TPR: variants seen among roughly 807,000 people sequenced by gnomAD.
TPR encodes translocated promoter region, nuclear basket protein.
Under a neutral mutation model 316.1 loss-of-function variants are expected in TPR, and 51 were observed. The observed-to-expected ratio is 0.16, with a 90% CI of 0.13 to 0.20. The LOEUF (loss-of-function observed/expected upper bound fraction) is 0.20. Ranked by LOEUF, TPR falls within the 10% of genes least tolerant of loss-of-function variation. The pLI is 1.00. For synonymous variants in TPR, 981 were observed against 914.7 expected (o/e 1.07, Z -1.31); for missense variants, 2,272 against 2,754.8 (o/e 0.82, Z 3.92).
chr1:186,363,034 T>TA (rs760792525), intron 5 of TPR, 33 bp from the exon 6 acceptor site: 2 of 1,567,694 alleles, frequency 1.3e-6, no homozygotes, highest in Admixed American at 2.0e-5. Flanking sequence ...CACGTACAGT[T>TA]AAAGATGATA....
rs372435712 is a variant in TPR at position 186,325,791 on chromosome 1, G to C, written c.6085C>G (p.His2029Asp). The C allele has an allele frequency of 1.2e-6, 2 of 1,613,452 alleles. No individual in the cohort carries two copies. The highest frequency in any genetic ancestry group is 1.7e-6 in the Non-Finnish European group (2 of 1,179,666). Residue 2029 changes from histidine (H) to aspartate (D), a missense_variant, in exon 42 of 51, where the codon CAC becomes GAC. By Grantham distance (81) the His-to-Asp change is moderately conservative. Around this residue, in one of 10 missense-constraint regions of TPR, gnomAD observed 435 missense variants for 461.1 expected, o/e 0.94. Transcript: ENST00000367478. ...EESMGGGEGN[H>D]RAADSQNSGE... ...CTGTTTTGAGAATCAGCAGCTCTGT[G>C]ATTACCTTCACCTCCACCCATACTT... is the stretch of plus-strand genomic sequence containing the variant.
chr1:186,365,645 A>G (rs1659321906), intron 4 of TPR, among the ~76,000 whole-genome samples: 1 of 152,218 alleles, frequency 6.6e-6, no homozygotes, highest in African/African-American at 2.4e-5. Flanking sequence ...AGGATAACAC[A>G]CTGAAGAGGC....
In TPR at chr1:186,357,338, A is replaced by G. The variant is rs1659059722; in HGVS notation, c.1724+59T>C. 3 of 1,547,280 alleles carry G rather than the reference A, an allele frequency of 1.9e-6. No homozygotes were observed. In the South Asian group the frequency reaches 3.4e-5, roughly 18 times the overall value. On this transcript the variant is annotated intron_variant, in intron 14 of 50. Transcript: ENST00000367478. ...TTGGGATTACAGGCATGAGACACTG[A>G]GCCTAGCTGAGGTTTTCATAAATGT...
chr1:186,365,018 A>G (rs1022894732), intron 4 of TPR, among the ~76,000 whole-genome samples: 1 of 152,024 alleles, frequency 6.6e-6, no homozygotes, highest in African/African-American at 2.4e-5. Flanking sequence ...AGACCTGGAC[A>G]ATGACAGACC....
chr1:186,359,257 C>T (rs1329187096), intron 12 of TPR, among the ~76,000 whole-genome samples: 2 of 151,832 alleles, frequency 1.3e-5, no homozygotes, highest in Non-Finnish European at 2.9e-5. Context: ...CCTCTTTTTC[C>T]ATCAGTATCT....
At position 186,312,927 on chromosome 1, in the gene TPR, T is replaced by C. The variant is rs1329014656; in HGVS notation, c.*1044A>G. ...ATTAACTAACAGTTTCCCAAGGAGG[T>C]GATATCATTTGTGAAAACATGAAGA... On this transcript the variant is annotated 3_prime_UTR_variant, in exon 51 of 51. Transcript: ENST00000367478. 1 of 1,589,254 alleles carries C rather than the reference T, an allele frequency of 6.3e-7. No homozygotes were observed. The highest frequency in any genetic ancestry group is 1.7e-5 in the Admixed American group (1 of 59,964).
intron 17 of TPR, among the ~76,000 whole-genome samples, chr1:186,354,136 T>C (rs1658952695): frequency 6.6e-6 from 1 of 151,692 alleles, no homozygotes; most frequent in Admixed American, 6.6e-5. Flanking sequence ...AAGCTGCACT[T>C]TTTTTTTTCT....
rs34898265 is a variant in TPR at position 186,341,106 on chromosome 1, C to T, written c.3942G>A (p.Leu1314=). The part of the protein sequence containing the change: ...ILPLQEANAE[L]SEKSGMLQAE... ...CCTGCAACATACCGCTTTTCTCACT[C>T]AGCTCAGCATTTGCTTCTTGTAAGG... The change falls in exon 29 of 51, where the codon CTG becomes CTA. Residue 1314 remains leucine, a synonymous_variant. Transcript: ENST00000367478. 2.1e-3 allele frequency: 3,326 copies of T among 1,614,118 alleles called. 115 individuals are homozygous for T. In the Admixed American group the frequency reaches 0.051, roughly 25 times the overall value.
chr1:186,357,950 T>C (rs768800561), intron 13 of TPR, among the ~76,000 whole-genome samples: 21 of 152,164 alleles, frequency 1.4e-4, no homozygotes, highest in Non-Finnish European at 2.9e-4. Context: ...CTTTTGTATA[T>C]ATGATAGGGC....
In TPR at chr1:186,312,628, A is replaced by C. The variant is rs1216742185; in HGVS notation, c.*1343T>G. ...TATTTATCAAGTACTTCTTACCAAG[A>C]ACATTATATACCAGTCTATAACCCT... On this transcript the variant is annotated 3_prime_UTR_variant, in exon 51 of 51. Transcript: ENST00000367478. 1 of 920,868 alleles carries C rather than the reference A, an allele frequency of 1.1e-6. No homozygotes were observed. Among genetic ancestry groups the C allele is most frequent in the African/African-American group, 1.7e-5 (1 of 60,276 alleles). The allele number at this position is 920,868 out of a possible 1,614,324, so 57.0% of individuals were successfully genotyped here.
chr1:186,322,397 CA>C lies in TPR; in HGVS notation c.6381del (p.Phe2127LeufsTer65). ...CTTGGAACTGTTCTGTCTTCATCAT[CA>C]AAAAAATGCTGTTGCTAAAACAAAG... Reference protein sequence around the residue: ...PGIGGMQQHFFDDEDRTVPST... With the variant: ...PGIGGMQQHFXDDEDRTVPST... On this transcript the variant is annotated frameshift_variant, in exon 45 of 51. Transcript: ENST00000367478. LOFTEE classifies it high-confidence loss of function. 1.2e-6 allele frequency: 2 copies of C among 1,612,538 alleles called. No homozygotes were observed. Among genetic ancestry groups the C allele is most frequent in the African/African-American group, 2.7e-5 (2 of 74,846 alleles).
chr1:186,321,481 G>A (rs1657775310), intron 45 of TPR, among the ~76,000 whole-genome samples: 1 of 152,150 alleles, frequency 6.6e-6, no homozygotes, highest in Non-Finnish European at 1.5e-5. Flanking sequence ...ACTAAAAACT[G>A]CAACTTCCTT....
At chr1:186,363,641 A>G (rs1217348705) in intron 4 of TPR, among the ~76,000 whole-genome samples, 196 bp from the exon 5 acceptor site, 1 of 152,056 alleles carries the variant, frequency 6.6e-6, no homozygotes, top group Non-Finnish European at 1.5e-5. Flanking sequence ...TTTTTTCCCA[A>G]AAACTTACAA....
chr1:186,331,656 T>C, intron 38 of TPR, 75 bp from the exon 39 acceptor site: 1 of 981,542 alleles, frequency 1.0e-6, no homozygotes, highest in Non-Finnish European at 1.4e-6. Context: ...GTTAGTTCTC[T>C]CATTTGAAAA....
Position 186,337,694 on chromosome 1 carries a change from T to C in TPR, c.4362+339A>G, listed in dbSNP as rs752559981. Among the ~76,000 whole-genome samples, 74 of 152,030 alleles carry C rather than the reference T, an allele frequency of 4.9e-4. 1 individual carries two copies. The highest frequency in any genetic ancestry group is 3.9e-4 in the Admixed American group (6 of 15,254). On this transcript the variant is annotated intron_variant, in intron 31 of 50. Coordinates refer to ENST00000367478, the MANE Select transcript of TPR (RefSeq NM_003292.3). ...AACAAAGATTTCTGAATTTTTTTGA[T>C]AGGTGGTTAACATAAACAATTTATT... is the stretch of plus-strand genomic sequence containing the variant.
rs1236840532 is a variant in TPR, at chr1:186,318,468, A to G, written c.6800T>C (p.Phe2267Ser). ...TTACCCTTCAGATTCTGCCTCCACA[A>G]ATACTTCATCTCCATCATCACCTGT... ...TATGDDGDEV[F>S]VEAESEGISS... The change falls in exon 48 of 51, where the codon TTT becomes TCT. Residue 2267 changes from phenylalanine (F) to serine (S), a missense_variant. By Grantham distance (155) the Phe-to-Ser change is radical. Around this residue, in one of 10 missense-constraint regions of TPR, gnomAD observed 123 missense variants for 142.3 expected, o/e 0.86. Coordinates refer to ENST00000367478, the MANE Select transcript of TPR (RefSeq NM_003292.3). The G allele has an allele frequency of 1.2e-6, 2 of 1,611,672 alleles. No homozygotes were observed. The highest frequency in any genetic ancestry group is 3.4e-5 in the Admixed American group (2 of 59,390).
chr1:186,318,629 G>T (rs896386971), intron 47 of TPR, 26 bp from the exon 48 acceptor site: 13 of 1,603,170 alleles, frequency 8.1e-6, no homozygotes, highest in East Asian at 2.2e-5. Context: ...ACAAGAAAAA[G>T]AACTTTAAAA....
In TPR at chr1:186,361,865, T is replaced by C. The variant is rs775362034; in HGVS notation, c.794A>G (p.Lys265Arg). 1 of 1,612,550 alleles carries C rather than the reference T, an allele frequency of 6.2e-7. No individual in the cohort carries two copies. The highest frequency in any genetic ancestry group is 8.5e-7 in the Non-Finnish European group (1 of 1,179,050). ...CTCTTCCATACTGGCCTGTTGTTCC[T>C]TGGCCTGAAAAAAATAGCCCAATTA... Reference protein sequence around the residue: ...EDLLTKLKEAKEQQASMEEKF... With the variant: ...EDLLTKLKEAREQQASMEEKF... The change falls in exon 8 of 51, where the codon AAG (lysine) becomes AGG (arginine). Residue 265 changes from lysine to arginine, a missense_variant. Lys to Arg is a conservative substitution (Grantham distance 26). Around this residue, in one of 10 missense-constraint regions of TPR, gnomAD observed 549 missense variants for 598.6 expected, o/e 0.92. Coordinates refer to ENST00000367478, the MANE Select transcript of TPR (RefSeq NM_003292.3).
In TPR at chr1:186,359,939, T is replaced by C; in HGVS notation, c.1249A>G (p.Lys417Glu). ...DQLLLEKLEN[K>E]RINKYLDEIV... ...TCATCTAGGTACTTATTAATTCTTTTGTTCTCTAGTTTCTCCAAAAGCAAC... is the reference window on the plus strand; with the variant it reads ...TCATCTAGGTACTTATTAATTCTTTCGTTCTCTAGTTTCTCCAAAAGCAAC... Residue 417 changes from lysine to glutamate, a missense_variant, in exon 12 of 51, where the codon AAA becomes GAA. Around this residue, in one of 10 missense-constraint regions of TPR, gnomAD observed 549 missense variants for 598.6 expected, o/e 0.92. Transcript: ENST00000367478. The C allele has an allele frequency of 6.2e-7, 1 of 1,609,338 alleles. No homozygotes were observed. The highest frequency in any genetic ancestry group is 8.5e-7 in the Non-Finnish European group (1 of 1,178,824).
Sources: allele counts gnomAD v4.1 joint callset (sites outside exome capture counted in the v4.1 genomes callset), GRCh38; gene constraint gnomAD v4.1.1; regional missense constraint gnomAD v4.1.1; transcripts MANE v1.5; gene names NCBI Gene and HGNC (gene_info 2026-07-23, HGNC 2026-07-21).